Variants in PLD5 observed in about 807,000 individuals in gnomAD.
PLD5 encodes phospholipase D family member 5.
PLD5 carries 36 observed loss-of-function variants against 61.1 expected under a neutral mutation model. The observed-to-expected ratio is 0.59, with a 90% CI of 0.45 to 0.78. PLD5 has a LOEUF of 0.78. Among genes scored for constraint, PLD5 ranks in the 30% least tolerant of loss-of-function variants. The pLI is 0.00. For synonymous variants in PLD5, 243 were observed against 242.8 expected (o/e 1.00, Z -0.01); for missense variants, 515 against 644.4 (o/e 0.80, Z 2.17).
chr1:242,188,984 C>T (rs527449790), intron 5 of PLD5, among the ~76,000 whole-genome samples: 5 of 151,822 alleles, frequency 3.3e-5, no homozygotes, highest in Non-Finnish European at 7.4e-5. Context: ...ATGCTTTAAA[C>T]AAACAAACAA....
intron 5 of PLD5, among the ~76,000 whole-genome samples, chr1:242,197,632 AC>A (rs1558332050): frequency 3.5e-5 from 5 of 141,456 alleles, no homozygotes; most frequent in South Asian, 4.4e-4. Flanking sequence ...TTAATTGCAC[AC>A]TTTTTTTTTT....
intron 9 of PLD5, among the ~76,000 whole-genome samples, chr1:242,093,697 T>G (rs1660012724): frequency 6.6e-6 from 1 of 152,016 alleles, no homozygotes; most frequent in African/African-American, 2.4e-5. Context: ...CACCCTGGAC[T>G]ACAATGTCGA....
intron 1 of PLD5, among the ~76,000 whole-genome samples, chr1:242,414,081 C>A (rs1664697002): frequency 6.6e-6 from 1 of 152,050 alleles, no homozygotes; most frequent in African/African-American, 2.4e-5. Context: ...AATGGTCTAG[C>A]TGAGATGTGC....
At chr1:242,431,918 C>T (rs538618811) in intron 1 of PLD5, among the ~76,000 whole-genome samples, 28 of 152,200 alleles carry the variant, frequency 1.8e-4, no homozygotes, top group Middle Eastern at 3.4e-3. Context: ...CTAATCCTAC[C>T]GTAAGAGGTA....
chr1:242,386,690 A>G (rs1038523270), intron 1 of PLD5, among the ~76,000 whole-genome samples: 4 of 152,216 alleles, frequency 2.6e-5, no homozygotes, highest in African/African-American at 7.2e-5. Context: ...AAACAGATCA[A>G]TAAGTAACAA....
chr1:242,451,325 C>G (rs1335123532), intron 1 of PLD5, among the ~76,000 whole-genome samples: 1 of 152,168 alleles, frequency 6.6e-6, no homozygotes, highest in East Asian at 1.9e-4. Context: ...TCACTCAACA[C>G]TGTCCTAAGC....
At chr1:242,350,885 T>A (rs1660435477) in intron 1 of PLD5, among the ~76,000 whole-genome samples, 1 of 146,892 alleles carries the variant, frequency 6.8e-6, no homozygotes, top group Non-Finnish European at 1.5e-5. Flanking sequence ...AAGACATGGA[T>A]TCTGTTTTAT....
chr1:242,470,224 C>A lies in PLD5; in HGVS notation c.189+53864G>T, dbSNP rs1376033625. On this transcript the variant is annotated intron_variant, in intron 1 of 9. Coordinates refer to ENST00000536534, the MANE Select transcript of PLD5 (RefSeq NM_001372062.1). ...CGGGCGTGGTGCGGGCGCCTGTACTCCCAGCTACTCGGGAGGCTGAGGCAG... is the reference window on the plus strand; with the variant it reads ...CGGGCGTGGTGCGGGCGCCTGTACTACCAGCTACTCGGGAGGCTGAGGCAG... Among the ~76,000 whole-genome samples the A allele has an allele frequency of 3.9e-5, 6 of 152,008 alleles. No individual in the cohort carries two copies. In the East Asian group the frequency reaches 1.2e-3, roughly 29 times the overall value.
At chr1:242,159,366 T>G (rs1027009032) in intron 5 of PLD5, among the ~76,000 whole-genome samples, 12 of 152,100 alleles carry the variant, frequency 7.9e-5, no homozygotes, top group African/African-American at 2.9e-4. Flanking sequence ...TTGCAAGGTG[T>G]GTGTTGTCAG....
At chr1:242,146,794 C>G (rs1234260086) in intron 5 of PLD5, among the ~76,000 whole-genome samples, 1 of 152,174 alleles carries the variant, frequency 6.6e-6, no homozygotes, top group Non-Finnish European at 1.5e-5. Context: ...ATGCTAAAAA[C>G]CAGCCACCTT....
At chr1:242,213,060 C>A (rs1447478560) in intron 5 of PLD5, among the ~76,000 whole-genome samples, 1 of 152,186 alleles carries the variant, frequency 6.6e-6, no homozygotes, top group Admixed American at 6.5e-5. Context: ...GACTTACATG[C>A]TATTAATGCC....
chr1:242,103,291 C>A (rs935007871), intron 8 of PLD5, among the ~76,000 whole-genome samples: 3 of 152,202 alleles, frequency 2.0e-5, no homozygotes, highest in African/African-American at 7.2e-5. Flanking sequence ...GCTAACCACA[C>A]CTTGGACTCA....
intron 1 of PLD5, among the ~76,000 whole-genome samples, chr1:242,421,478 A>C (rs1306131272): frequency 6.6e-6 from 1 of 152,200 alleles, no homozygotes; most frequent in Non-Finnish European, 1.5e-5. Context: ...AAACACTTCT[A>C]TTCAGAAGTT....
At chr1:242,123,192 T>G (rs1424464811) in intron 6 of PLD5, among the ~76,000 whole-genome samples, 1 of 152,188 alleles carries the variant, frequency 6.6e-6, no homozygotes, top group Admixed American at 6.5e-5. Flanking sequence ...AGCAAACTGA[T>G]GTATGATGAA....
chr1:242,419,010 G>A (rs750222104), intron 1 of PLD5, among the ~76,000 whole-genome samples: 9 of 152,152 alleles, frequency 5.9e-5, no homozygotes, highest in Non-Finnish European at 1.3e-4. Context: ...CTAAATAAGT[G>A]GGACTTCACA....
chr1:242,313,188 C>G (rs1437273724), intron 2 of PLD5, among the ~76,000 whole-genome samples: 3 of 152,242 alleles, frequency 2.0e-5, no homozygotes, highest in Admixed American at 6.5e-5. Flanking sequence ...TCTTTCTTAT[C>G]TCCGTCAGGA....
At chr1:242,100,422 T>G (rs1660593139) in intron 9 of PLD5, among the ~76,000 whole-genome samples, 1 of 152,280 alleles carries the variant, frequency 6.6e-6, no homozygotes. Context: ...ACCAGAAAAT[T>G]TCTGGAAAAC....
intron 2 of PLD5, among the ~76,000 whole-genome samples, chr1:242,346,017 C>A (rs576301856): frequency 2.9e-5 from 3 of 104,482 alleles, no homozygotes; most frequent in Non-Finnish European, 5.7e-5. Flanking sequence ...AAGATCTCCC[C>A]CCCCCCCATA....
chr1:242,215,659 T>C (rs955822090), intron 5 of PLD5, among the ~76,000 whole-genome samples: 8 of 152,028 alleles, frequency 5.3e-5, no homozygotes, highest in African/African-American at 1.9e-4. Flanking sequence ...CATCAAACCA[T>C]AGCATGGCAT....
Sources: allele counts gnomAD v4.1 joint callset (sites outside exome capture counted in the v4.1 genomes callset), GRCh38; gene constraint gnomAD v4.1.1; transcripts MANE v1.5; gene names NCBI Gene and HGNC (gene_info 2026-07-23, HGNC 2026-07-21).